Variants in TPD52 observed in about 807,000 individuals in gnomAD.
TPD52 encodes the protein prostate and colon associated protein.
In TPD52, 17 loss-of-function variants were observed where a neutral mutation model predicts 31.3. The observed-to-expected ratio is 0.54, with a 90% CI of 0.37 to 0.82. The LOEUF is 0.82. Among genes scored for constraint, TPD52 ranks in the 40% least tolerant of loss-of-function variants. The pLI is 0.00. For synonymous variants in TPD52, 83 were observed against 89.6 expected, an observed-to-expected ratio of 0.93 and a Z score of 0.42; for missense variants, 212 against 240.1, an observed-to-expected ratio of 0.88 and a Z score of 0.77.
At chr8:80,077,133 G>A (rs945254635) in intron 1 of TPD52, among the ~76,000 whole-genome samples, 29 of 152,056 alleles carry the variant, frequency 1.9e-4, no homozygotes, top group African/African-American at 5.8e-4. Context: ...AAATTAGCAC[G>A]ATGTGGTGAC....
chr8:80,042,529 A>G lies in TPD52; in HGVS notation c.504+91T>C, dbSNP rs527324954. On this transcript the variant is annotated intron_variant, in intron 7 of 7. Coordinates refer to ENST00000518937, the MANE Select transcript of TPD52 (RefSeq NM_001025253.3). ...TTACATTCTTTAGATATTTTTAGAAAGAAATATTAATGTCAATGATTTTCG... is the reference window on the plus strand; with the variant it reads ...TTACATTCTTTAGATATTTTTAGAAGGAAATATTAATGTCAATGATTTTCG... 3.0e-4 allele frequency: 457 copies of G among 1,537,144 alleles called. No homozygotes were observed. In the African/African-American group the frequency reaches 5.6e-3, roughly 19 times the overall value.
chr8:80,089,848 T>A (rs1429754263), intron 1 of TPD52, among the ~76,000 whole-genome samples: 2 of 152,222 alleles, frequency 1.3e-5, no homozygotes, highest in Non-Finnish European at 2.9e-5. Context: ...AACTTAGGAT[T>A]CCAATTCCAT....
chr8:80,087,794 C>A (rs990969553), intron 1 of TPD52, among the ~76,000 whole-genome samples: 7 of 152,208 alleles, frequency 4.6e-5, no homozygotes, highest in African/African-American at 1.7e-4. Flanking sequence ...CCCTGTTGCA[C>A]AGGGTGAGAG....
intron 2 of TPD52, among the ~76,000 whole-genome samples, chr8:80,062,648 A>G (rs750146964): frequency 1.3e-5 from 2 of 152,176 alleles, no homozygotes; most frequent in Non-Finnish European, 1.5e-5. Flanking sequence ...CTGTGAAAAC[A>G]GTTTGGTGCT....
intron 3 of TPD52, among the ~76,000 whole-genome samples, chr8:80,052,049 G>T (rs1811435520): frequency 6.6e-6 from 1 of 152,108 alleles, no homozygotes; most frequent in African/African-American, 2.4e-5. Flanking sequence ...CTAAAAAAGG[G>T]CCAGAAGCAA....
chr8:80,093,765 G>A (rs192206131), intron 1 of TPD52, among the ~76,000 whole-genome samples: 1 of 152,160 alleles, frequency 6.6e-6, no homozygotes, highest in East Asian at 1.9e-4. Context: ...AGAAACAAGA[G>A]TCCTGTGCCA....
chr8:80,155,713 G>A (rs190456563), intron 1 of TPD52, among the ~76,000 whole-genome samples: 1 of 152,030 alleles, frequency 6.6e-6, no homozygotes, highest in Admixed American at 6.5e-5. Context: ...GAGAAACTCT[G>A]TCTCTACTAA....
intron 5 of TPD52, among the ~76,000 whole-genome samples, chr8:80,048,153 G>T (rs188446426): frequency 6.6e-6 from 1 of 152,140 alleles, no homozygotes; most frequent in Non-Finnish European, 1.5e-5. Context: ...TCATGACCAC[G>T]TCCTCCTTGG....
intron 1 of TPD52, among the ~76,000 whole-genome samples, chr8:80,161,734 T>TATATA (rs1563671618): frequency 4.3e-5 from 2 of 46,138 alleles, no homozygotes; most frequent in African/African-American, 2.0e-4. Context: ...ATATATATAT[T>TATATA]TTTTTTTTTT....
chr8:80,154,687 T>C (rs987191345), intron 1 of TPD52, among the ~76,000 whole-genome samples: 1 of 147,390 alleles, frequency 6.8e-6, no homozygotes, highest in Non-Finnish European at 1.5e-5. Flanking sequence ...ATGTTTCTTC[T>C]ATGCTTTGAA....
At chr8:80,051,650 C>CA in intron 3 of TPD52, 22 bp from the exon 4 acceptor site, 1 of 1,558,292 alleles carries the variant, frequency 6.4e-7, no homozygotes, top group Non-Finnish European at 8.7e-7. Flanking sequence ...TATAAACACA[C>CA]AGAGCAAAAG....
chr8:80,044,098 C>A, intron 6 of TPD52, 69 bp downstream of exon 6: 1 of 1,342,154 alleles, frequency 7.5e-7, no homozygotes, highest in South Asian at 1.3e-5. Context: ...CAGAACAGTT[C>A]AAGTTAAACA....
intron 5 of TPD52, among the ~76,000 whole-genome samples, chr8:80,049,328 G>C (rs763707731): frequency 3.5e-4 from 53 of 152,110 alleles, no homozygotes; most frequent in Non-Finnish European, 6.6e-4. Context: ...TAGCAGAATG[G>C]GTGATGTGAC....
intron 3 of TPD52, chr8:80,052,796 A>C: frequency 4.7e-6 from 2 of 422,576 alleles, no homozygotes; most frequent in Non-Finnish European, 7.8e-6. Context: ...CTACGACCTG[A>C]GAATCTTTTG....
chr8:80,119,705 T>A (rs774419851), intron 1 of TPD52: 1 of 169,080 alleles, frequency 5.9e-6, no homozygotes, highest in African/African-American at 2.4e-5. Flanking sequence ...TAAAAGAATA[T>A]ATGGCCTTTA....
At chr8:80,161,410 A>C (rs920679429) in intron 1 of TPD52, among the ~76,000 whole-genome samples, 4 of 152,170 alleles carry the variant, frequency 2.6e-5, no homozygotes, top group Non-Finnish European at 4.4e-5. Context: ...TAATGCTAGA[A>C]GTCTTTTTGA....
At chr8:80,080,893 C>A (rs1815198828) in intron 1 of TPD52, 4 of 376,068 alleles carry the variant, frequency 1.1e-5, no homozygotes, top group Non-Finnish European at 1.5e-5. Context: ...ATCAGCTGAC[C>A]ATGACTACAC....
chr8:80,083,913 A>G (rs1815528084), intron 1 of TPD52, among the ~76,000 whole-genome samples: 1 of 152,112 alleles, frequency 6.6e-6, no homozygotes, highest in Admixed American at 6.5e-5. Context: ...CAATGTTCTT[A>G]CCTCTAGATT....
Position 80,037,411 on chromosome 8 carries a change from A to G in TPD52, c.*705T>C, listed in dbSNP as rs1481708367. On this transcript the variant is annotated 3_prime_UTR_variant, in exon 8 of 8. Transcript: ENST00000518937. ...AATAAGTTGATATAAGTGGTATAATAAACAATACACTGAAATGGTTACTGT... is the reference window on the plus strand; with the variant it reads ...AATAAGTTGATATAAGTGGTATAATGAACAATACACTGAAATGGTTACTGT... 3 of 152,242 alleles carry G rather than the reference A, an allele frequency of 2.0e-5. No individual in the cohort carries two copies. The highest frequency in any genetic ancestry group is 6.5e-5 in the Admixed American group (1 of 15,292). 9.4% of individuals were successfully genotyped at this position (152,242 alleles called of 1,614,324 possible). A position where few individuals can be genotyped will look rare whatever the true frequency, so the allele number is the denominator to read the frequency against.
Sources: gnomAD v4.1 joint callset for allele counts (sites outside exome capture counted in the v4.1 genomes callset) on GRCh38, gnomAD v4.1.1 for gene constraint, MANE v1.5 for transcripts, NCBI Gene and HGNC (gene_info 2026-07-23, HGNC 2026-07-21) for gene names.